ARHGAP26: variants seen among roughly 807,000 people sequenced by gnomAD.
ARHGAP26 encodes Rho GTPase activating protein 26.
ARHGAP26 carries 38 observed loss-of-function variants against 104.8 expected under a neutral mutation model. That is an observed-to-expected ratio of 0.36 (90% CI 0.28 to 0.48). The LOEUF (loss-of-function observed/expected upper bound fraction) is 0.48, where lower values mean the gene tolerates loss of function less well. Among genes scored for constraint, ARHGAP26 ranks in the 20% least tolerant of loss-of-function variants. The pLI is 0.99. For synonymous variants in ARHGAP26, 341 were observed against 340.0 expected, an observed-to-expected ratio of 1.00 and a Z score of -0.03; for missense variants, 704 against 947.9, an observed-to-expected ratio of 0.74 and a Z score of 3.38.
At chr5:142,908,963 C>T (rs1761480553) in intron 9 of ARHGAP26, 1 of 165,372 alleles carries the variant, frequency 6.0e-6, no homozygotes, top group East Asian at 1.9e-4. Flanking sequence ...TGCTCCTATG[C>T]TTTATTTTCT....
At chr5:143,218,152 C>T (rs1166150405) in intron 22 of ARHGAP26, among the ~76,000 whole-genome samples, 1 of 152,180 alleles carries the variant, frequency 6.6e-6, no homozygotes, top group Non-Finnish European at 1.5e-5. Flanking sequence ...ACTACAGTGG[C>T]AGAGTTAAGG....
chr5:142,879,539 C>A, intron 4 of ARHGAP26, 94 bp downstream of exon 4: 1 of 1,199,954 alleles, frequency 8.3e-7, no homozygotes, highest in Non-Finnish European at 1.2e-6. Context: ...GAAATGTCTT[C>A]AGAAAATCGA....
chr5:142,952,053 T>G (rs1352515261), intron 11 of ARHGAP26, among the ~76,000 whole-genome samples: 1 of 152,244 alleles, frequency 6.6e-6, no homozygotes, highest in Non-Finnish European at 1.5e-5. Context: ...TATCTTCATG[T>G]GACCACTTCT....
chr5:143,224,514 G>A lies in ARHGAP26; in HGVS notation c.*2068G>A, dbSNP rs905703324. ...TTTAAATAAGTGGGGTCAGGCATTC[G>A]AGTTTTTGTCTTTCTTCTCAGGTGT... is the stretch of plus-strand genomic sequence containing the variant. On this transcript the variant is annotated 3_prime_UTR_variant, in exon 23 of 23. Coordinates refer to ENST00000645722, the MANE Select transcript of ARHGAP26 (RefSeq NM_001135608.3). 22 of 230,438 alleles carry A rather than the reference G, an allele frequency of 9.5e-5. No homozygotes were observed. Among genetic ancestry groups the A allele is most frequent in the African/African-American group, 4.4e-4 (20 of 45,184 alleles). 14.3% of individuals were successfully genotyped at this position (230,438 alleles called of 1,614,324 possible). A position where few individuals can be genotyped will look rare whatever the true frequency, so the allele number is the denominator to read the frequency against.
intron 1 of ARHGAP26, among the ~76,000 whole-genome samples, chr5:142,856,404 G>A (rs1056323842): frequency 1.3e-5 from 2 of 152,238 alleles, no homozygotes; most frequent in African/African-American, 4.8e-5. Flanking sequence ...GTGGGAGGGT[G>A]ACTCTGAAGT....
At chr5:142,846,253 G>A (rs569945999) in intron 1 of ARHGAP26, among the ~76,000 whole-genome samples, 44 of 152,246 alleles carry the variant, frequency 2.9e-4, no homozygotes, top group African/African-American at 1.0e-3. Context: ...ATTATCTCAC[G>A]GGCCTGAGAC....
chr5:143,197,888 C>A (rs1042552182), intron 20 of ARHGAP26, among the ~76,000 whole-genome samples: 22 of 152,130 alleles, frequency 1.4e-4, no homozygotes, highest in African/African-American at 5.3e-4. Context: ...AGAGCACTTT[C>A]CACTAGTAGC....
chr5:142,886,425 C>A (rs1453952313), intron 5 of ARHGAP26, among the ~76,000 whole-genome samples: 1 of 152,160 alleles, frequency 6.6e-6, no homozygotes, highest in Non-Finnish European at 1.5e-5. Flanking sequence ...GAACTCTTTG[C>A]TTTGAAATAA....
chr5:143,132,388 C>T (rs1797453191), intron 18 of ARHGAP26, among the ~76,000 whole-genome samples: 1 of 151,006 alleles, frequency 6.6e-6, no homozygotes, highest in East Asian at 2.0e-4. Context: ...TGGCCCTAGA[C>T]ACATCAGAGA....
At chr5:143,036,424 C>T (rs11956057) in intron 12 of ARHGAP26, among the ~76,000 whole-genome samples, 22,636 of 152,140 alleles carry the variant, frequency 0.15, 4,548 homozygotes, top group African/African-American at 0.46. Flanking sequence ...GGGTGAGAAT[C>T]CTGTCACCAC....
intron 11 of ARHGAP26, among the ~76,000 whole-genome samples, chr5:143,003,083 G>A (rs976166918): frequency 1.3e-5 from 2 of 152,164 alleles, no homozygotes; most frequent in African/African-American, 4.8e-5. Flanking sequence ...ACAAATCAAA[G>A]TCACGGGGTA....
intron 1 of ARHGAP26, among the ~76,000 whole-genome samples, chr5:142,809,061 A>C (rs1763575236): frequency 6.6e-6 from 1 of 152,200 alleles, no homozygotes; most frequent in Non-Finnish European, 1.5e-5. Flanking sequence ...TTTATCAGAA[A>C]TTTACAGCTT....
At chr5:142,867,090 A>G (rs1395340491) in intron 1 of ARHGAP26, among the ~76,000 whole-genome samples, 1 of 152,212 alleles carries the variant, frequency 6.6e-6, no homozygotes, top group Non-Finnish European at 1.5e-5. Context: ...TCAGTGGGAC[A>G]GGATCTGTTC....
chr5:143,026,047 G>A (rs994028287), intron 12 of ARHGAP26, among the ~76,000 whole-genome samples: 2 of 152,292 alleles, frequency 1.3e-5, no homozygotes, highest in East Asian at 3.9e-4. Flanking sequence ...TGAGGTCAGG[G>A]TATGAATGAG....
intron 1 of ARHGAP26, among the ~76,000 whole-genome samples, chr5:142,869,804 A>C (rs1343020443): frequency 6.6e-6 from 1 of 152,196 alleles, no homozygotes; most frequent in Non-Finnish European, 1.5e-5. Context: ...AATTCTCTTA[A>C]ATCCGGTGCA....
At chr5:142,934,598 A>G (rs1294320190) in intron 11 of ARHGAP26, among the ~76,000 whole-genome samples, 1 of 152,156 alleles carries the variant, frequency 6.6e-6, no homozygotes, top group Non-Finnish European at 1.5e-5. Flanking sequence ...CATCTCCCTA[A>G]TGAGTTAAAT....
chr5:142,837,782 G>A (rs1769885649), intron 1 of ARHGAP26, among the ~76,000 whole-genome samples: 1 of 152,152 alleles, frequency 6.6e-6, no homozygotes, highest in African/African-American at 2.4e-5. Context: ...TTATACTCCA[G>A]CTCATTCTCT....
At chr5:143,065,000 T>C (rs1484400988) in intron 17 of ARHGAP26, among the ~76,000 whole-genome samples, 4 of 152,222 alleles carry the variant, frequency 2.6e-5, no homozygotes, top group African/African-American at 9.6e-5. Context: ...ATTTATTTTC[T>C]CAATAAATTT....
chr5:142,947,123 A>G (rs1284762325), intron 11 of ARHGAP26: 1 of 146,012 alleles, frequency 6.8e-6, no homozygotes, highest in Non-Finnish European at 1.5e-5. Context: ...AAAAAAAGAG[A>G]GAGAGAGAGA....
Sources: allele counts gnomAD v4.1 joint callset (sites outside exome capture counted in the v4.1 genomes callset), GRCh38; gene constraint gnomAD v4.1.1; transcripts MANE v1.5; gene names NCBI Gene and HGNC (gene_info 2026-07-23, HGNC 2026-07-21).